The following JMJD1C variants were observed in gnomAD, a reference collection of about 807,000 sequenced individuals.
JMJD1C encodes the protein jumonji domain-containing protein 1C.
JMJD1C carries 31 observed loss-of-function variants against 245.3 expected under a neutral mutation model. The ratio of observed to expected loss-of-function variants is 0.13; its 90% CI spans 0.09 to 0.17. The LOEUF (loss-of-function observed/expected upper bound fraction) is 0.17. Among genes scored for constraint, JMJD1C ranks in the 10% least tolerant of loss-of-function variants. JMJD1C has a pLI of 1.00. For synonymous variants in JMJD1C, 1,057 were observed against 1,017.4 expected (o/e 1.04, Z -0.74); for missense variants, 2,691 against 3,000.2 (o/e 0.90, Z 2.41).
At chr10:63,298,563 T>C (rs1295889195) in intron 2 of JMJD1C, among the ~76,000 whole-genome samples, 3 of 152,202 alleles carry the variant, frequency 2.0e-5, no homozygotes, top group Non-Finnish European at 4.4e-5. Context: ...CGACCTCATC[T>C]TAATTTGATT....
intron 2 of JMJD1C, among the ~76,000 whole-genome samples, chr10:63,334,372 C>A (rs1159789679): frequency 6.6e-6 from 1 of 152,118 alleles, no homozygotes; most frequent in Non-Finnish European, 1.5e-5. Context: ...CTAATGAACA[C>A]AGATGAATAT....
chr10:63,222,839 A>T, intron 3 of JMJD1C: 1 of 1,441,488 alleles, frequency 6.9e-7, no homozygotes, highest in Non-Finnish European at 9.8e-7. Context: ...GTGTGGAGTC[A>T]AAAGTACACA....
intron 3 of JMJD1C, chr10:63,222,537 A>C (rs1399062295): frequency 1.2e-5 from 17 of 1,468,582 alleles, no homozygotes; most frequent in African/African-American, 2.8e-5. Context: ...AAAGATACTC[A>C]ACTCAAATAC....
At chr10:63,296,625 G>A (rs1264413143) in intron 2 of JMJD1C, among the ~76,000 whole-genome samples, 1 of 152,190 alleles carries the variant, frequency 6.6e-6, no homozygotes, top group Non-Finnish European at 1.5e-5. Context: ...TTGGAAATGT[G>A]CGTATAGGTG....
At chr10:63,279,306 A>T (rs536059969) in intron 2 of JMJD1C, among the ~76,000 whole-genome samples, 2 of 152,352 alleles carry the variant, frequency 1.3e-5, no homozygotes, top group African/African-American at 4.8e-5. Context: ...TGATAAAAAC[A>T]ATCATGACCT....
intron 1 of JMJD1C, among the ~76,000 whole-genome samples, chr10:63,407,364 C>T (rs554853530): frequency 2.6e-5 from 4 of 152,146 alleles, no homozygotes; most frequent in Non-Finnish European, 5.9e-5. Flanking sequence ...AGGACTAGAC[C>T]CTCCTTTCAT....
chr10:63,465,771 G>A lies in JMJD1C; in HGVS notation c.-109C>T, dbSNP rs1325883183. ...GGAGAGCGGACCGGGACACAGCAGC[G>A]GACCCGAAAGAGCGCAGACTCGGGA... On this transcript the variant is annotated 5_prime_UTR_variant, in exon 1 of 26. Transcript: ENST00000399262. 6 of 1,312,886 alleles carry A rather than the reference G, an allele frequency of 4.6e-6. No homozygotes were observed. The highest frequency in any genetic ancestry group is 6.4e-6 in the Non-Finnish European group (6 of 935,332). The allele number at this position is 1,312,886 out of a possible 1,614,324, so 81.3% of individuals were successfully genotyped here.
intron 2 of JMJD1C, among the ~76,000 whole-genome samples, chr10:63,328,472 T>C (rs527405714): frequency 6.6e-6 from 1 of 152,312 alleles, no homozygotes; most frequent in East Asian, 1.9e-4. Flanking sequence ...ATAAATGAGG[T>C]GAATAACATT....
At chr10:63,370,809 A>T (rs1189641836) in intron 2 of JMJD1C, among the ~76,000 whole-genome samples, 1 of 152,220 alleles carries the variant, frequency 6.6e-6, no homozygotes, top group Non-Finnish European at 1.5e-5. Context: ...CAAGTTTACT[A>T]AAATAACTCA....
At chr10:63,234,355 G>GT (rs1850394653) in intron 3 of JMJD1C, among the ~76,000 whole-genome samples, 1 of 151,686 alleles carries the variant, frequency 6.6e-6, no homozygotes, top group African/African-American at 2.4e-5. Context: ...TTAGGCAGGT[G>GT]TTATGGTGCA....
In JMJD1C at chr10:63,219,960, T is replaced by C. The variant is rs372953452; in HGVS notation, c.471A>G (p.Pro157=). ...PYQDDIDSLN[P]VLRDNPQLHE... ...GAAGCTGCGGGTTGTCCCTGAGAAC[T>C]GGGTTTAGGCTGTCTATGTCGTCCT... Residue 157 remains proline, a synonymous_variant, in exon 4 of 26, where the codon CCA becomes CCG. Transcript: ENST00000399262. The C allele has an allele frequency of 6.2e-7, 1 of 1,613,672 alleles. No individual in the cohort carries two copies. Among genetic ancestry groups the C allele is most frequent in the South Asian group, 1.1e-5 (1 of 91,038 alleles).
At chr10:63,335,048 A>ATC (rs1942575761) in intron 2 of JMJD1C, among the ~76,000 whole-genome samples, 2 of 140,726 alleles carry the variant, frequency 1.4e-5, no homozygotes, top group Non-Finnish European at 3.0e-5. Flanking sequence ...AAAAAAAAAT[A>ATC]TTGTTCCTAA....
At chr10:63,267,734 A>C (rs547954731) in intron 2 of JMJD1C, among the ~76,000 whole-genome samples, 104 of 152,308 alleles carry the variant, frequency 6.8e-4, no homozygotes, top group African/African-American at 2.3e-3. Flanking sequence ...TTTCAATTTT[A>C]TTAGAGTGAG....
intron 1 of JMJD1C, among the ~76,000 whole-genome samples, chr10:63,511,048 T>C (rs1176254962): frequency 6.6e-6 from 1 of 152,254 alleles, no homozygotes; most frequent in Non-Finnish European, 1.5e-5. Context: ...TTCCTTTACT[T>C]TTAATCTTTG....
intron 2 of JMJD1C, among the ~76,000 whole-genome samples, chr10:63,282,141 C>A (rs538721442): frequency 6.6e-6 from 1 of 152,246 alleles, no homozygotes; most frequent in South Asian, 2.1e-4. Context: ...ACATCTGTTT[C>A]TTGTGCAGTA....
chr10:63,401,440 T>G (rs528806285), intron 1 of JMJD1C, among the ~76,000 whole-genome samples: 7 of 152,276 alleles, frequency 4.6e-5, no homozygotes, highest in South Asian at 4.2e-4. Context: ...TAGAGCAGGA[T>G]CTCACGGTAT....
At chr10:63,222,637 T>G (rs1374224577) in intron 3 of JMJD1C, 1 of 1,564,416 alleles carries the variant, frequency 6.4e-7, no homozygotes, top group Non-Finnish European at 8.8e-7. Flanking sequence ...TGGACATAAT[T>G]AAAAGAAATA....
chr10:63,250,597 C>A (rs1454065732), intron 3 of JMJD1C, among the ~76,000 whole-genome samples: 6 of 152,080 alleles, frequency 3.9e-5, no homozygotes, highest in Non-Finnish European at 8.8e-5. Flanking sequence ...AAGAAAAATT[C>A]TTAACACTAG....
rs138428814 is a variant in JMJD1C, at chr10:63,261,079, T to C, written c.447+3572A>G. On this transcript the variant is annotated intron_variant, in intron 3 of 25. Transcript: ENST00000399262. ...GATCAGGAAACCTAAAAGGAGGAAGTAGAAACTTATTTGTGTGCACAGGGA... is the reference window on the plus strand; with the variant it reads ...GATCAGGAAACCTAAAAGGAGGAAGCAGAAACTTATTTGTGTGCACAGGGA... Among the ~76,000 whole-genome samples, 923 of 152,158 alleles carry C rather than the reference T, an allele frequency of 6.1e-3. 3 individuals are homozygous for C. The highest frequency in any genetic ancestry group is 0.011 in the Admixed American group (164 of 15,284).
Sources: allele counts gnomAD v4.1 joint callset (sites outside exome capture counted in the v4.1 genomes callset), GRCh38; gene constraint gnomAD v4.1.1; transcripts MANE v1.5; gene names NCBI Gene and HGNC (gene_info 2026-07-23, HGNC 2026-07-21).